The following CPED1 variants were observed in gnomAD, a reference collection of about 807,000 sequenced individuals.
CPED1 encodes the protein cadherin-like and PC-esterase domain-containing protein 1.
A neutral mutation model predicts 128.2 loss-of-function variants in CPED1; 114 were observed. The observed-to-expected ratio is 0.89, with a 90% CI of 0.76 to 1.04. The LOEUF (loss-of-function observed/expected upper bound fraction) is 1.04, where lower values mean the gene tolerates loss of function less well. Ranked by LOEUF, CPED1 falls within the 50% of genes least tolerant of loss-of-function variation. CPED1 has a pLI of 0.00. For synonymous variants in CPED1, 462 were observed against 426.7 expected (o/e 1.08, Z -1.02); for missense variants, 1,211 against 1,207.1 (o/e 1.00, Z -0.05).
chr7:121,210,652 A>G (rs1392500249), intron 16 of CPED1, among the ~76,000 whole-genome samples: 1 of 151,986 alleles, frequency 6.6e-6, no homozygotes, highest in East Asian at 1.9e-4. Context: ...TGGTTACCAG[A>G]GGCTGGGAAG....
chr7:121,154,758 A>T (rs985271180), intron 16 of CPED1, among the ~76,000 whole-genome samples: 2 of 151,954 alleles, frequency 1.3e-5, no homozygotes, highest in African/African-American at 4.8e-5. Context: ...GTTGGCCAGG[A>T]TGGTCTCGAT....
intron 5 of CPED1, 48 bp downstream of exon 5, chr7:121,064,361 G>C (rs920561569): frequency 1.5e-6 from 2 of 1,310,628 alleles, no homozygotes; most frequent in African/African-American, 2.9e-5. Flanking sequence ...AGATATGCAG[G>C]CTCCCTTAGC....
At chr7:121,023,025 A>G (rs1792483633) in intron 3 of CPED1, among the ~76,000 whole-genome samples, 1 of 152,106 alleles carries the variant, frequency 6.6e-6, no homozygotes, top group African/African-American at 2.4e-5. Flanking sequence ...GCCAAAAAAA[A>G]AAAGATACAT....
In CPED1 at chr7:121,236,845, T is replaced by C; in HGVS notation, c.2173+14T>C. 7.6e-7 allele frequency: 1 copy of C among 1,308,294 alleles called. No individual in the cohort carries two copies. The highest frequency in any genetic ancestry group is 1.1e-6 in the Non-Finnish European group (1 of 921,722). The allele number at this position is 1,308,294 out of a possible 1,614,324, so 81.0% of individuals were successfully genotyped here. A position where few individuals can be genotyped will look rare whatever the true frequency, so the allele number is the denominator to read the frequency against. On this transcript the variant is annotated intron_variant, in intron 17 of 22. Transcript: ENST00000310396. Reference sequence around the variant, plus strand: ...GGGACATGAAAGGTGACTATCACATTGGATATCACTTCTCTAAAAAAAGAA... The same window carrying C: ...GGGACATGAAAGGTGACTATCACATCGGATATCACTTCTCTAAAAAAAGAA...
At chr7:121,053,751 T>G (rs563473538) in intron 4 of CPED1, among the ~76,000 whole-genome samples, 5 of 152,246 alleles carry the variant, frequency 3.3e-5, no homozygotes, top group Non-Finnish European at 5.9e-5. Context: ...GGAATTCTTC[T>G]GTAAGGAAAA....
chr7:121,066,789 C>T (rs1793840140), intron 5 of CPED1, among the ~76,000 whole-genome samples: 1 of 152,066 alleles, frequency 6.6e-6, no homozygotes, highest in Non-Finnish European at 1.5e-5. Flanking sequence ...TCTGTGGGTT[C>T]CACATCCCTG....
At chr7:121,166,525 G>A (rs913237318) in intron 16 of CPED1, among the ~76,000 whole-genome samples, 4 of 151,652 alleles carry the variant, frequency 2.6e-5, no homozygotes, top group Admixed American at 6.6e-5. Context: ...ATCTCACTCA[G>A]GAAAAAAGGC....
intron 22 of CPED1, among the ~76,000 whole-genome samples, chr7:121,287,066 C>CTTT: frequency 2.6e-5 from 4 of 152,166 alleles, no homozygotes; most frequent in African/African-American, 9.6e-5. Flanking sequence ...ATGGAGGAAA[C>CTTT]CACCTCCCCG....
intron 5 of CPED1, among the ~76,000 whole-genome samples, chr7:121,084,140 T>TC (rs1230207876): frequency 6.6e-6 from 1 of 152,130 alleles, no homozygotes; most frequent in Non-Finnish European, 1.5e-5. Context: ...TCAGGCTCCT[T>TC]CCCCCTAATA....
At chr7:121,262,638 T>C (rs2116738328) in intron 18 of CPED1, among the ~76,000 whole-genome samples, 1 of 152,194 alleles carries the variant, frequency 6.6e-6, no homozygotes, top group East Asian at 1.9e-4. Flanking sequence ...AAAGAATTAT[T>C]TATAAATTGT....
chr7:121,266,481 C>A, intron 19 of CPED1, 34 bp downstream of exon 19: 6 of 1,521,582 alleles, frequency 3.9e-6, no homozygotes, highest in Non-Finnish European at 5.5e-6. Context: ...ACACAAAACC[C>A]ACAAAGTACT....
At chr7:121,293,101 C>T (rs1006540559) in intron 22 of CPED1, among the ~76,000 whole-genome samples, 4 of 152,194 alleles carry the variant, frequency 2.6e-5, no homozygotes, top group African/African-American at 9.7e-5. Context: ...ACGTTTAAGT[C>T]TGCTGAAGCT....
intron 22 of CPED1, among the ~76,000 whole-genome samples, chr7:121,274,954 AGCCTG>A (rs1792303513): frequency 6.6e-6 from 1 of 152,136 alleles, no homozygotes; most frequent in African/African-American, 2.4e-5. Context: ...TCATCTTATG[AGCCTG>A]GCAAATAAAG....
intron 15 of CPED1, 70 bp from the exon 16 acceptor site, chr7:121,141,903 T>G: frequency 8.2e-7 from 1 of 1,223,876 alleles, no homozygotes; most frequent in Non-Finnish European, 1.2e-6. Context: ...AATATTGATA[T>G]ATGAATCAGT....
intron 22 of CPED1, among the ~76,000 whole-genome samples, chr7:121,280,899 AAG>A (rs1263857386): frequency 1.3e-5 from 2 of 152,162 alleles, no homozygotes; most frequent in African/African-American, 4.8e-5. Flanking sequence ...ATCCAACAAA[AAG>A]TACTTCAACA....
chr7:121,089,104 T>A (rs1794517346), intron 5 of CPED1, among the ~76,000 whole-genome samples: 1 of 152,172 alleles, frequency 6.6e-6, no homozygotes, highest in Non-Finnish European at 1.5e-5. Context: ...TCTAATCATA[T>A]CACTGAGCAA....
At chr7:121,223,547 T>C (rs1797935292) in intron 16 of CPED1, among the ~76,000 whole-genome samples, 1 of 152,206 alleles carries the variant, frequency 6.6e-6, no homozygotes, top group African/African-American at 2.4e-5. Flanking sequence ...CAGCTCCTCT[T>C]TTTACCCCTG....
At chr7:121,258,985 T>C (rs1363091564) in intron 18 of CPED1, among the ~76,000 whole-genome samples, 1 of 152,112 alleles carries the variant, frequency 6.6e-6, no homozygotes, top group Non-Finnish European at 1.5e-5. Flanking sequence ...CAATGGAATT[T>C]GGCCAGGGCA....
intron 7 of CPED1, among the ~76,000 whole-genome samples, chr7:121,117,104 T>TATATATATAAATAA (rs1563032068): frequency 7.2e-6 from 1 of 139,096 alleles, no homozygotes; most frequent in African/African-American, 2.8e-5. Context: ...TATATAAATA[T>TATATATATAAATAA]ATATATATAT....
Sources: gnomAD v4.1 joint callset for allele counts (sites outside exome capture counted in the v4.1 genomes callset) on GRCh38, gnomAD v4.1.1 for gene constraint, MANE v1.5 for transcripts, NCBI Gene and HGNC (gene_info 2026-07-23, HGNC 2026-07-21) for gene names.